Variants in RANBP2 observed in about 807,000 individuals in gnomAD.
RANBP2 encodes the protein RAN binding protein 2.
Under a neutral mutation model 303.6 loss-of-function variants are expected in RANBP2, and 57 were observed. The ratio of observed to expected loss-of-function variants is 0.19; its 90% CI spans 0.15 to 0.23. The LOEUF is 0.23. Ranked by LOEUF, RANBP2 falls within the 10% of genes least tolerant of loss-of-function variation. The pLI is 1.00. For synonymous variants in RANBP2, 1,167 were observed against 1,301.5 expected, an observed-to-expected ratio of 0.90 and a Z score of 2.23; for missense variants, 3,138 against 3,780.8, an observed-to-expected ratio of 0.83 and a Z score of 4.46.
downstream of RANBP2, among the ~76,000 whole-genome samples, chr2:108,789,605 C>T (rs973789081): frequency 1.3e-5 from 2 of 152,014 alleles, no homozygotes; most frequent in Admixed American, 6.6e-5. Context: ...AAAGAAAAAA[C>T]GAACTACAAA....
chr2:109,737,964 G>A, the RANBP2 span, among the ~76,000 whole-genome samples: 15 of 152,136 alleles, frequency 9.9e-5, no homozygotes, highest in South Asian at 4.2e-4. Context: ...TGAGTTCTTT[G>A]TTTATTCTGG....
chr2:109,430,649 TGGACTTTTC>T, the RANBP2 span, among the ~76,000 whole-genome samples: 1 of 152,244 alleles, frequency 6.6e-6, no homozygotes, highest in African/African-American at 2.4e-5. Flanking sequence ...TCATTTTCAC[TGGACTTTTC>T]CCTTAGTGGT....
At chr2:109,375,249 G>A in the RANBP2 span, among the ~76,000 whole-genome samples, 6 of 152,194 alleles carry the variant, frequency 3.9e-5, no homozygotes, top group African/African-American at 1.4e-4. Flanking sequence ...TCCAGCCACC[G>A]TCCCATGCCC....
the RANBP2 span, among the ~76,000 whole-genome samples, chr2:109,461,445 G>GTGGTGAT: frequency 9.9e-5 from 13 of 131,454 alleles, no homozygotes; most frequent in African/African-American, 3.4e-4. Flanking sequence ...AAAGACCTGC[G>GTGGTGAT]CGGTGATCCA....
chr2:108,732,808 G>A (rs777848762), intron 4 of RANBP2, among the ~76,000 whole-genome samples: 4 of 152,152 alleles, frequency 2.6e-5, no homozygotes, highest in Non-Finnish European at 5.9e-5. Flanking sequence ...TCATCATGAA[G>A]TATGTGACGT....
intron 7 of RANBP2, among the ~76,000 whole-genome samples, chr2:108,742,272 A>G (rs1463722643): frequency 6.6e-6 from 1 of 151,602 alleles, no homozygotes; most frequent in Non-Finnish European, 1.5e-5. Context: ...CTGGGATTAC[A>G]GGCAGTGAGC....
chr2:109,598,099 G>A, the RANBP2 span, among the ~76,000 whole-genome samples: 5 of 151,930 alleles, frequency 3.3e-5, no homozygotes, highest in Admixed American at 2.0e-4. Context: ...TCTTGCTCTC[G>A]TTGCCCAGGC....
At chr2:109,094,560 T>C in the RANBP2 span, among the ~76,000 whole-genome samples, 1 of 152,228 alleles carries the variant, frequency 6.6e-6, no homozygotes, top group Non-Finnish European at 1.5e-5. Context: ...CCAGGCGCAG[T>C]GGCTCACACC....
At chr2:109,070,858 T>TA in the RANBP2 span, among the ~76,000 whole-genome samples, 59 of 137,190 alleles carry the variant, frequency 4.3e-4, no homozygotes, top group African/African-American at 1.4e-3. Flanking sequence ...AGACCCTATC[T>TA]AAAAAAAAAA....
chr2:109,591,510 A>G, the RANBP2 span, among the ~76,000 whole-genome samples: 1 of 152,232 alleles, frequency 6.6e-6, no homozygotes, highest in Non-Finnish European at 1.5e-5. Context: ...GGAAGATGGA[A>G]TAGACTGTTA....
At chr2:108,824,128 T>C in the RANBP2 span, among the ~76,000 whole-genome samples, 5 of 151,314 alleles carry the variant, frequency 3.3e-5, no homozygotes, top group African/African-American at 1.2e-4. Context: ...GTAAATTTTA[T>C]AAACAGTATG....
chr2:109,576,132 G>A, the RANBP2 span, among the ~76,000 whole-genome samples: 1 of 152,108 alleles, frequency 6.6e-6, no homozygotes, highest in East Asian at 1.9e-4. Flanking sequence ...GCATTGTGAG[G>A]TGCCTATAGT....
the RANBP2 span, among the ~76,000 whole-genome samples, chr2:109,164,162 C>T: frequency 6.6e-6 from 1 of 152,012 alleles, no homozygotes; most frequent in Admixed American, 6.6e-5. Flanking sequence ...AACTCTGATG[C>T]CTCTCTCTTT....
the RANBP2 span, among the ~76,000 whole-genome samples, chr2:109,312,973 A>G: frequency 6.6e-6 from 1 of 152,148 alleles, no homozygotes; most frequent in African/African-American, 2.4e-5. Flanking sequence ...CTTGGATTTC[A>G]CTTTTATCTA....
At chr2:109,061,868 T>A in the RANBP2 span, among the ~76,000 whole-genome samples, 1,265 of 152,236 alleles carry the variant, frequency 8.3e-3, 11 homozygotes, top group East Asian at 0.042. Context: ...GCCCATCCAG[T>A]GTGGGATGCG....
the RANBP2 span, among the ~76,000 whole-genome samples, chr2:108,875,332 A>G: frequency 7.3e-6 from 1 of 136,094 alleles, no homozygotes; most frequent in African/African-American, 2.5e-5. Flanking sequence ...AAAAAAAAAA[A>G]AAAAGAAACA....
At chr2:108,956,693 G>A in the RANBP2 span, among the ~76,000 whole-genome samples, 2 of 152,102 alleles carry the variant, frequency 1.3e-5, no homozygotes, top group South Asian at 2.1e-4. Context: ...AAATATTTGG[G>A]TTATGATTCA....
At chr2:109,483,177 C>T in the RANBP2 span, among the ~76,000 whole-genome samples, 2,291 of 152,318 alleles carry the variant, frequency 0.015, 45 homozygotes, top group South Asian at 0.081. Flanking sequence ...CAGAGCACAG[C>T]TTTTAATTAC....
chr2:109,590,921 A>G, the RANBP2 span, among the ~76,000 whole-genome samples: 3 of 152,224 alleles, frequency 2.0e-5, no homozygotes, highest in Admixed American at 1.3e-4. Flanking sequence ...AAGCCTCCAG[A>G]TAAGAACCCA....
Sources: allele counts gnomAD v4.1 joint callset (sites outside exome capture counted in the v4.1 genomes callset), GRCh38; gene constraint gnomAD v4.1.1; transcripts MANE v1.5; gene names NCBI Gene and HGNC (gene_info 2026-07-23, HGNC 2026-07-21).